The following REDIC1 variants were observed in gnomAD, a reference collection of about 807,000 sequenced individuals.
REDIC1 encodes regulator of DNA class I crossover intermediates 1.
the REDIC1 span, among the ~76,000 whole-genome samples, chr12:39,651,872 TG>T: frequency 6.6e-6 from 1 of 152,166 alleles, no homozygotes; most frequent in Non-Finnish European, 1.5e-5. Context: ...TTGGGTACCT[TG>T]GTAATCCCTT....
chr12:39,812,630 G>A, the REDIC1 span, among the ~76,000 whole-genome samples: 12 of 151,682 alleles, frequency 7.9e-5, no homozygotes, highest in South Asian at 2.1e-4. Flanking sequence ...CCACGGCTAC[G>A]CCCGGCTGAT....
At chr12:39,639,894 A>G in the REDIC1 span, among the ~76,000 whole-genome samples, 1 of 151,906 alleles carries the variant, frequency 6.6e-6, no homozygotes, top group African/African-American at 2.4e-5. Context: ...ATGCATGTCT[A>G]AAAGTTATGT....
the REDIC1 span, among the ~76,000 whole-genome samples, chr12:39,834,294 G>T: frequency 1.3e-5 from 2 of 151,944 alleles, no homozygotes; most frequent in Non-Finnish European, 2.9e-5. Flanking sequence ...GAAGGGACTA[G>T]GCATGAATTT....
At chr12:39,783,929 T>C in the REDIC1 span, among the ~76,000 whole-genome samples, 2 of 152,002 alleles carry the variant, frequency 1.3e-5, no homozygotes, top group South Asian at 2.1e-4. Context: ...TGTACACAAA[T>C]AACAGACAAA....
the REDIC1 span, among the ~76,000 whole-genome samples, chr12:39,859,298 A>G: frequency 2.0e-5 from 3 of 150,378 alleles, no homozygotes; most frequent in Non-Finnish European, 1.5e-5. Context: ...AAAAAAAGAA[A>G]AAGAAAGAAA....
chr12:39,628,713 A>G, the REDIC1 span, among the ~76,000 whole-genome samples: 1 of 152,196 alleles, frequency 6.6e-6, no homozygotes, highest in African/African-American at 2.4e-5. Context: ...TAGTCCACAA[A>G]AAGAACCTAG....
chr12:39,683,558 A>G, the REDIC1 span: 2 of 1,224,942 alleles, frequency 1.6e-6, no homozygotes, highest in Non-Finnish European at 2.4e-6. Context: ...GAATTGATGC[A>G]AAGTGAGGTA....
the REDIC1 span, chr12:39,908,033 C>G: frequency 6.6e-6 from 1 of 152,038 alleles, no homozygotes; most frequent in Non-Finnish European, 1.5e-5. Flanking sequence ...AATTCCCTGG[C>G]CAGAAGAACC....
the REDIC1 span, among the ~76,000 whole-genome samples, chr12:39,891,220 A>C: frequency 2.0e-5 from 3 of 150,122 alleles, no homozygotes; most frequent in East Asian, 5.8e-4. Context: ...ATTATTTCCA[A>C]CCTTCTGCTG....
At chr12:39,862,417 C>T in the REDIC1 span, among the ~76,000 whole-genome samples, 8 of 152,150 alleles carry the variant, frequency 5.3e-5, no homozygotes, top group Admixed American at 2.6e-4. Flanking sequence ...TACAAGTGGA[C>T]GTGCTGAGTC....
At chr12:39,691,949 GA>G in the REDIC1 span, 1 of 1,105,186 alleles carries the variant, frequency 9.0e-7, no homozygotes, top group Non-Finnish European at 1.2e-6. Context: ...TAATGTAAAA[GA>G]AAAGTACTAT....
the REDIC1 span, chr12:39,907,587 C>T: frequency 7.9e-5 from 12 of 152,178 alleles, no homozygotes; most frequent in South Asian, 1.2e-3. Flanking sequence ...GTATGTTAAA[C>T]GATGATCTAA....
chr12:39,833,973 C>T, the REDIC1 span, among the ~76,000 whole-genome samples: 2 of 151,488 alleles, frequency 1.3e-5, no homozygotes, highest in African/African-American at 4.8e-5. Flanking sequence ...AGGGTTCCTT[C>T]TCTATATCCA....
At chr12:39,808,934 C>A in the REDIC1 span, among the ~76,000 whole-genome samples, 3 of 151,828 alleles carry the variant, frequency 2.0e-5, no homozygotes, top group Admixed American at 1.3e-4. Context: ...TCCAATATAT[C>A]AATTTTTTCT....
At chr12:39,775,004 T>C in the REDIC1 span, among the ~76,000 whole-genome samples, 2 of 152,196 alleles carry the variant, frequency 1.3e-5, no homozygotes, top group African/African-American at 2.4e-5. Flanking sequence ...ATTTGGCAAT[T>C]TGAACATTAG....
the REDIC1 span, chr12:39,626,434 G>A: frequency 2.5e-6 from 4 of 1,584,532 alleles, no homozygotes; most frequent in Admixed American, 3.4e-5. Flanking sequence ...TGGCGGAGAG[G>A]TCACAGCCTT....
chr12:39,810,087 C>A, the REDIC1 span, among the ~76,000 whole-genome samples: 5 of 152,198 alleles, frequency 3.3e-5, no homozygotes, highest in African/African-American at 4.8e-5. Flanking sequence ...GCCACACTGA[C>A]TTCCACAATG....
chr12:39,669,447 G>T, the REDIC1 span, among the ~76,000 whole-genome samples: 1 of 152,166 alleles, frequency 6.6e-6, no homozygotes, highest in South Asian at 2.1e-4. Context: ...GCCCTGTGTG[G>T]TGTCAGTCTG....
chr12:39,792,461 T>C, the REDIC1 span, among the ~76,000 whole-genome samples: 2 of 152,182 alleles, frequency 1.3e-5, no homozygotes, highest in Non-Finnish European at 2.9e-5. Flanking sequence ...TTTCATACTA[T>C]GTCTTTGAAA....
Sources: allele counts gnomAD v4.1 joint callset (sites outside exome capture counted in the v4.1 genomes callset), GRCh38; gene constraint gnomAD v4.1.1; transcripts MANE v1.5; gene names NCBI Gene and HGNC (gene_info 2026-07-23, HGNC 2026-07-21).